The following SCHIP1 variants were observed in gnomAD, a reference collection of about 807,000 sequenced individuals.
SCHIP1 encodes schwannomin interacting protein 1, also known as schwannomin-interacting protein 1.
A neutral mutation model predicts 29.7 loss-of-function variants in SCHIP1; 8 were observed. That is an observed-to-expected ratio of 0.27 (90% CI 0.16 to 0.49). The LOEUF (loss-of-function observed/expected upper bound fraction) is 0.49, where lower values mean the gene tolerates loss of function less well. SCHIP1 is among the 20% of genes least tolerant of loss of function. The pLI, the probability that SCHIP1 is intolerant of heterozygous loss-of-function variation, is 0.99. For synonymous variants in SCHIP1, 76 were observed against 94.9 expected (o/e 0.80, Z 1.16); for missense variants, 193 against 294.6 (o/e 0.66, Z 2.52).
the SCHIP1 span, among the ~76,000 whole-genome samples, chr3:159,626,106 ATAG>A: frequency 9.1e-6 from 1 of 110,066 alleles, no homozygotes; most frequent in Admixed American, 7.9e-5. Flanking sequence ...AGATAGATAG[ATAG>A]ATAGATAGAT....
At chr3:159,713,185 GGAAAGAAAGAGAAA>G in the SCHIP1 span, among the ~76,000 whole-genome samples, 3 of 90,828 alleles carry the variant, frequency 3.3e-5, no homozygotes, top group Admixed American at 1.3e-4. Flanking sequence ...GAAAGAAAAA[GGAAAGAAAGAGAAA>G]GAAAGAAAGA....
At chr3:159,391,609 G>A in the SCHIP1 span, among the ~76,000 whole-genome samples, 2 of 152,180 alleles carry the variant, frequency 1.3e-5, no homozygotes, top group Non-Finnish European at 2.9e-5. Context: ...CTCAGAACCT[G>A]TTCCTAATAG....
At chr3:159,480,797 C>T in the SCHIP1 span, among the ~76,000 whole-genome samples, 109 of 152,260 alleles carry the variant, frequency 7.2e-4, no homozygotes, top group Middle Eastern at 3.4e-3. Flanking sequence ...CTGGGTGTCA[C>T]GCACGTCCTT....
the SCHIP1 span, among the ~76,000 whole-genome samples, chr3:159,535,934 G>T: frequency 1.3e-5 from 2 of 152,254 alleles, no homozygotes; most frequent in Admixed American, 6.5e-5. Flanking sequence ...GCCATGCTTT[G>T]CAGACTCCCG....
the SCHIP1 span, among the ~76,000 whole-genome samples, chr3:159,338,056 A>T: frequency 6.6e-6 from 1 of 152,202 alleles, no homozygotes; most frequent in East Asian, 1.9e-4. Context: ...TCTTGCATTC[A>T]ACAAATATTT....
chr3:159,410,841 C>A, the SCHIP1 span, among the ~76,000 whole-genome samples: 1 of 152,002 alleles, frequency 6.6e-6, no homozygotes, highest in Non-Finnish European at 1.5e-5. Flanking sequence ...AATTGCAATA[C>A]TCTTCACAAT....
chr3:159,494,557 G>A, the SCHIP1 span, among the ~76,000 whole-genome samples: 1 of 152,192 alleles, frequency 6.6e-6, no homozygotes, highest in Non-Finnish European at 1.5e-5. Context: ...AAACCAGGAA[G>A]AATTTGAATC....
chr3:159,697,704 A>T, the SCHIP1 span, among the ~76,000 whole-genome samples: 1 of 152,226 alleles, frequency 6.6e-6, no homozygotes, highest in Non-Finnish European at 1.5e-5. Context: ...GAGAAGTAAC[A>T]ATAACAGATC....
the SCHIP1 span, among the ~76,000 whole-genome samples, chr3:159,667,834 T>C: frequency 6.6e-6 from 1 of 152,232 alleles, no homozygotes; most frequent in Admixed American, 6.5e-5. Context: ...CACATAGAAC[T>C]AAACAAGAGT....
chr3:159,343,179 C>T, the SCHIP1 span, among the ~76,000 whole-genome samples: 1 of 152,158 alleles, frequency 6.6e-6, no homozygotes, highest in Non-Finnish European at 1.5e-5. Flanking sequence ...TTGTCTAAGA[C>T]ATAACTAGTA....
the SCHIP1 span, among the ~76,000 whole-genome samples, chr3:159,702,439 C>A: frequency 3.4e-3 from 517 of 152,292 alleles, 5 homozygotes; most frequent in African/African-American, 0.012. Flanking sequence ...CTATTAATCG[C>A]AAAATTATAA....
the SCHIP1 span, among the ~76,000 whole-genome samples, chr3:159,678,019 A>C: frequency 6.6e-6 from 1 of 152,228 alleles, no homozygotes; most frequent in Non-Finnish European, 1.5e-5. Context: ...CATCTTCAAA[A>C]GAACCTTTAT....
the SCHIP1 span, among the ~76,000 whole-genome samples, chr3:159,553,113 T>C: frequency 0.14 from 21,802 of 152,092 alleles, 1,897 homozygotes; most frequent in African/African-American, 0.23. Context: ...TTTTCCTTTC[T>C]AATCAGGCAA....
At position 159,848,535 on chromosome 3, in the gene SCHIP1, G is replaced by A. The variant is rs548240840; in HGVS notation, c.30+8321G>A. Among the ~76,000 whole-genome samples the A allele has an allele frequency of 4.6e-5, 7 of 152,242 alleles. No homozygotes were observed. The South Asian group carries it at 8.3e-4, about 18-fold the overall frequency. ...TTACAGTGTTAATCCCAAGCATGTA[G>A]TCAAGGTCTTGCCACCCTGCCTGGA... On this transcript the variant is annotated intron_variant, in intron 1 of 6. Transcript: ENST00000445224.
chr3:159,541,083 C>A, the SCHIP1 span, among the ~76,000 whole-genome samples: 1 of 152,076 alleles, frequency 6.6e-6, no homozygotes, highest in African/African-American at 2.4e-5. Context: ...ACTCCTCAGC[C>A]ATATTCTTGA....
the SCHIP1 span, among the ~76,000 whole-genome samples, chr3:159,521,611 G>A: frequency 1.3e-5 from 2 of 152,154 alleles, no homozygotes; most frequent in African/African-American, 4.8e-5. Flanking sequence ...ATTTGAGTTC[G>A]ACAGTTTGAA....
chr3:159,754,233 G>T, the SCHIP1 span, among the ~76,000 whole-genome samples: 1 of 152,208 alleles, frequency 6.6e-6, no homozygotes, highest in Non-Finnish European at 1.5e-5. Flanking sequence ...CAGAAAGTTT[G>T]TATCAGTCAA....
chr3:159,548,351 G>C, the SCHIP1 span, among the ~76,000 whole-genome samples: 1 of 151,686 alleles, frequency 6.6e-6, no homozygotes, highest in Non-Finnish European at 1.5e-5. Flanking sequence ...TTATTTTTAG[G>C]AATTTGCCTT....
the SCHIP1 span, among the ~76,000 whole-genome samples, chr3:159,277,352 G>A: frequency 2.0e-5 from 3 of 152,126 alleles, no homozygotes; most frequent in Admixed American, 2.0e-4. Context: ...TAAAGCTTCA[G>A]TGCCTTAGTG....
Sources: gnomAD v4.1 joint callset for allele counts (sites outside exome capture counted in the v4.1 genomes callset) on GRCh38, gnomAD v4.1.1 for gene constraint, MANE v1.5 for transcripts, NCBI Gene and HGNC (gene_info 2026-07-23, HGNC 2026-07-21) for gene names.